Variants in HIVEP2 observed in about 807,000 individuals in gnomAD.
HIVEP2 encodes transcription factor HIVEP2.
Under a neutral mutation model 180.7 loss-of-function variants are expected in HIVEP2, and 14 were observed. That is an observed-to-expected ratio of 0.08 (90% CI 0.05 to 0.12). The LOEUF (loss-of-function observed/expected upper bound fraction) is 0.12, where lower values mean the gene tolerates loss of function less well. Ranked by LOEUF, HIVEP2 falls within the 10% of genes least tolerant of loss-of-function variation. The probability of loss-of-function intolerance (pLI) is 1.00; values close to 1 mark genes in which losing one functional copy is unlikely to be tolerated. For synonymous variants in HIVEP2, 1,184 were observed against 1,136.4 expected (o/e 1.04, Z -0.84); for missense variants, 2,579 against 3,008.5 (o/e 0.86, Z 3.34).
At chr6:142,760,777 A>G in intron 8 of HIVEP2, 110 bp from the exon 9 acceptor site, 4 of 747,398 alleles carry the variant, frequency 5.4e-6, no homozygotes, top group Non-Finnish European at 6.4e-6. Context: ...TAGTGCCCAC[A>G]GATAGTTATG....
At chr6:142,930,844 A>T (rs1777927165) in intron 1 of HIVEP2, among the ~76,000 whole-genome samples, 1 of 152,202 alleles carries the variant, frequency 6.6e-6, no homozygotes, top group South Asian at 2.1e-4. Context: ...ATTTTTTATT[A>T]CAATATAGTA....
chr6:142,764,067 T>C (rs372357766), intron 7 of HIVEP2, among the ~76,000 whole-genome samples: 10 of 152,292 alleles, frequency 6.6e-5, no homozygotes, highest in African/African-American at 7.2e-5. Context: ...TCTGCAAAAG[T>C]CGAACAACCT....
At chr6:142,754,468 T>C (rs1775012122) in intron 9 of HIVEP2, among the ~76,000 whole-genome samples, 1 of 152,184 alleles carries the variant, frequency 6.6e-6, no homozygotes, top group Non-Finnish European at 1.5e-5. Context: ...ACAGAACAGA[T>C]GACAAAACAG....
chr6:142,799,608 C>A (rs1409754254), intron 2 of HIVEP2, among the ~76,000 whole-genome samples: 4 of 152,148 alleles, frequency 2.6e-5, no homozygotes, highest in Non-Finnish European at 5.9e-5. Context: ...GCAACATCAA[C>A]AAATTATTTG....
At chr6:142,838,275 T>C (rs1775276262) in intron 1 of HIVEP2, among the ~76,000 whole-genome samples, 1 of 152,114 alleles carries the variant, frequency 6.6e-6, no homozygotes, top group Non-Finnish European at 1.5e-5. Flanking sequence ...ATTCTAGTCT[T>C]ACTGCTATTC....
intron 2 of HIVEP2, among the ~76,000 whole-genome samples, chr6:142,784,717 C>T (rs893691031): frequency 6.6e-6 from 1 of 152,126 alleles, no homozygotes; most frequent in African/African-American, 2.4e-5. Flanking sequence ...ATTCTTCTTG[C>T]CTCAAATCAA....
chr6:142,925,123 C>T (rs545277070), intron 1 of HIVEP2, among the ~76,000 whole-genome samples: 1 of 152,288 alleles, frequency 6.6e-6, no homozygotes, highest in African/African-American at 2.4e-5. Context: ...CTAACATGCA[C>T]TTTAGAAGTT....
At chr6:142,850,728 T>A (rs1412926757) in intron 1 of HIVEP2, among the ~76,000 whole-genome samples, 1 of 152,220 alleles carries the variant, frequency 6.6e-6, no homozygotes, top group Non-Finnish European at 1.5e-5. Context: ...CTGACAATTA[T>A]AAGTTATCAG....
intron 1 of HIVEP2, among the ~76,000 whole-genome samples, chr6:142,883,123 C>T (rs542138356): frequency 1.2e-4 from 19 of 152,066 alleles, no homozygotes; most frequent in Admixed American, 7.9e-4. Context: ...TCATCATACA[C>T]GGATAGCATT....
chr6:142,818,521 T>G (rs570104881), intron 2 of HIVEP2, among the ~76,000 whole-genome samples: 1 of 151,634 alleles, frequency 6.6e-6, no homozygotes, highest in Admixed American at 6.6e-5. Context: ...CACAAAAAAT[T>G]AGCCAGGCGT....
intron 1 of HIVEP2, among the ~76,000 whole-genome samples, chr6:142,913,969 G>A (rs950217145): frequency 1.2e-4 from 18 of 152,040 alleles, no homozygotes; most frequent in African/African-American, 3.9e-4. Context: ...ACTCAGTCAG[G>A]TTAGAGCCCT....
chr6:142,887,936 G>A (rs1267836885), intron 1 of HIVEP2, among the ~76,000 whole-genome samples: 2 of 147,884 alleles, frequency 1.4e-5, no homozygotes, highest in African/African-American at 5.0e-5. Flanking sequence ...GGGAAGGGGA[G>A]GATATAGCAA....
At chr6:142,882,640 G>A (rs954373691) in intron 1 of HIVEP2, among the ~76,000 whole-genome samples, 1 of 151,338 alleles carries the variant, frequency 6.6e-6, no homozygotes, top group South Asian at 2.1e-4. Context: ...GGGGAGGGGA[G>A]GGGAGGGAAA....
chr6:142,940,924 A>G (rs139304624), intron 1 of HIVEP2, among the ~76,000 whole-genome samples: 1 of 152,324 alleles, frequency 6.6e-6, no homozygotes, highest in Admixed American at 6.5e-5. Flanking sequence ...CCTCAGGCAC[A>G]TAAACATCAT....
At chr6:142,941,095 A>AG (rs1411270388) in intron 1 of HIVEP2, among the ~76,000 whole-genome samples, 2 of 152,246 alleles carry the variant, frequency 1.3e-5, no homozygotes, top group Non-Finnish European at 2.9e-5. Flanking sequence ...ATGTTAAGAT[A>AG]GCACAAATTC....
chr6:142,918,354 T>C (rs1021464708), intron 1 of HIVEP2, among the ~76,000 whole-genome samples: 6 of 152,180 alleles, frequency 3.9e-5, no homozygotes, highest in African/African-American at 1.4e-4. Context: ...CCCTATTTAT[T>C]TTTTTCTATT....
At chr6:142,838,891 A>C (rs1014435612) in intron 1 of HIVEP2, among the ~76,000 whole-genome samples, 2 of 152,170 alleles carry the variant, frequency 1.3e-5, no homozygotes, top group African/African-American at 4.8e-5. Context: ...GTCATTAAGC[A>C]ATATGTTAAA....
intron 1 of HIVEP2, among the ~76,000 whole-genome samples, chr6:142,871,542 A>T (rs953961773): frequency 6.6e-6 from 1 of 152,118 alleles, no homozygotes; most frequent in African/African-American, 2.4e-5. Context: ...TTCTATCTGC[A>T]TTTTTATATT....
intron 1 of HIVEP2, among the ~76,000 whole-genome samples, chr6:142,932,845 A>C (rs1777972301): frequency 6.6e-6 from 1 of 152,236 alleles, no homozygotes; most frequent in Non-Finnish European, 1.5e-5. Context: ...TGATGCCTCC[A>C]ATAGTTTTAT....
Sources: gnomAD v4.1 joint callset for allele counts (sites outside exome capture counted in the v4.1 genomes callset) on GRCh38, gnomAD v4.1.1 for gene constraint, MANE v1.5 for transcripts, NCBI Gene and HGNC (gene_info 2026-07-23, HGNC 2026-07-21) for gene names.